TTBK2: variants seen among roughly 807,000 people sequenced by gnomAD.
TTBK2 encodes tau tubulin kinase 2.
Under a neutral mutation model 110.8 loss-of-function variants are expected in TTBK2, and 28 were observed. That is an observed-to-expected ratio of 0.25 (90% CI 0.19 to 0.35). TTBK2 has a LOEUF of 0.35. Among genes scored for constraint, TTBK2 ranks in the 10% least tolerant of loss-of-function variants. The probability of loss-of-function intolerance (pLI) is 1.00; values close to 1 mark genes in which losing one functional copy is unlikely to be tolerated. For missense variants in TTBK2, 1,369 were observed against 1,500.3 expected, an observed-to-expected ratio of 0.91 and a Z score of 1.45; for synonymous variants, 532 against 527.3, an observed-to-expected ratio of 1.01 and a Z score of -0.12.
intron 6 of TTBK2, among the ~76,000 whole-genome samples, chr15:42,826,902 C>T (rs1009030467): frequency 2.0e-5 from 3 of 152,108 alleles, no homozygotes; most frequent in Admixed American, 2.0e-4. Flanking sequence ...TAGAGAATAG[C>T]TGGGCAGGAG....
At position 42,741,052 on chromosome 15, in the gene TTBK2, C is replaced by G. The variant is rs550484199; in HGVS notation, c.*4743G>C. 1 of 152,270 alleles carries G rather than the reference C, an allele frequency of 6.6e-6. No individual in the cohort carries two copies. Among genetic ancestry groups the G allele is most frequent in the East Asian group, 1.9e-4 (1 of 5,184 alleles). 9.4% of individuals were successfully genotyped at this position (152,270 alleles called of 1,614,324 possible). ...ACTATAGGAATTCTCCATGTACCTC[C>G]TACAGTTTTTCTAGCAGTGTTGGAC... On this transcript the variant is annotated 3_prime_UTR_variant, in exon 15 of 15. Coordinates refer to ENST00000267890, the MANE Select transcript of TTBK2 (RefSeq NM_173500.4).
At chr15:42,791,721 C>T (rs1376450844) in intron 10 of TTBK2, among the ~76,000 whole-genome samples, 1 of 152,232 alleles carries the variant, frequency 6.6e-6, no homozygotes. Context: ...TAATCTCACT[C>T]AGTCCTAGGC....
In TTBK2 at chr15:42,845,347, C is replaced by T. The variant is rs527933387; in HGVS notation, c.218-4914G>A. ...AAGACCTTCCTTGGATACCAAAATCCACCAATGCTCAAGTCTCTGATAAAA... is the reference window on the plus strand; with the variant it reads ...AAGACCTTCCTTGGATACCAAAATCTACCAATGCTCAAGTCTCTGATAAAA... On this transcript the variant is annotated intron_variant, in intron 3 of 14. Coordinates refer to ENST00000267890, the MANE Select transcript of TTBK2 (RefSeq NM_173500.4). Among the ~76,000 whole-genome samples, 334 of 152,050 alleles carry T rather than the reference C, an allele frequency of 2.2e-3. 1 individual carries two copies. The highest frequency in any genetic ancestry group is 7.5e-3 in the African/African-American group (312 of 41,464).
intron 3 of TTBK2, among the ~76,000 whole-genome samples, chr15:42,849,152 GT>G (rs926917589): frequency 3.1e-4 from 45 of 143,662 alleles, no homozygotes; most frequent in East Asian, 8.1e-4. Context: ...CTGAGGCTCT[GT>G]TTTTTTTTTT....
chr15:42,773,367 G>A (rs996866726), intron 13 of TTBK2, among the ~76,000 whole-genome samples: 2 of 151,616 alleles, frequency 1.3e-5, no homozygotes, highest in East Asian at 1.9e-4. Context: ...AACCCAGAAG[G>A]CGGAGGTTGC....
intron 12 of TTBK2, 92 bp from the exon 13 acceptor site, chr15:42,775,815 A>T (rs1889896207): frequency 2.0e-6 from 2 of 991,534 alleles, no homozygotes; most frequent in Non-Finnish European, 2.9e-6. Flanking sequence ...ATGGACACAA[A>T]GATGAGAGAA....
intron 14 of TTBK2, among the ~76,000 whole-genome samples, chr15:42,751,734 ACT>A (rs1466224244): frequency 1.3e-5 from 2 of 152,194 alleles, no homozygotes; most frequent in African/African-American, 2.4e-5. Context: ...ACAGAGCGAG[ACT>A]CTGTCTCAAA....
At chr15:42,854,323 A>C (rs1893844428) in intron 3 of TTBK2, among the ~76,000 whole-genome samples, 1 of 152,248 alleles carries the variant, frequency 6.6e-6, no homozygotes, top group African/African-American at 2.4e-5. Flanking sequence ...ATGATGTATA[A>C]ACTTTTAAAG....
chr15:42,815,505 T>C (rs1379758146), intron 7 of TTBK2, among the ~76,000 whole-genome samples: 3 of 152,086 alleles, frequency 2.0e-5, no homozygotes, highest in South Asian at 2.1e-4. Context: ...GCAAAAAAGT[T>C]AAAGGACTGA....
intron 13 of TTBK2, among the ~76,000 whole-genome samples, chr15:42,768,793 G>A (rs1403685558): frequency 6.6e-6 from 1 of 152,116 alleles, no homozygotes; most frequent in East Asian, 1.9e-4. Context: ...AAAAGAGCCC[G>A]CATCGCCAAG....
At chr15:42,768,091 T>C (rs1311957576) in intron 13 of TTBK2, among the ~76,000 whole-genome samples, 1 of 152,158 alleles carries the variant, frequency 6.6e-6, no homozygotes, top group Non-Finnish European at 1.5e-5. Flanking sequence ...CTCAATAAAC[T>C]AGGTATCGAT....
intron 3 of TTBK2, among the ~76,000 whole-genome samples, chr15:42,866,027 T>C (rs1894359225): frequency 6.6e-6 from 1 of 152,074 alleles, no homozygotes; most frequent in African/African-American, 2.4e-5. Context: ...AGTATGTAAA[T>C]ACAAATAAAG....
intron 9 of TTBK2, among the ~76,000 whole-genome samples, chr15:42,799,249 A>G (rs1325967714): frequency 6.6e-6 from 1 of 151,938 alleles, no homozygotes; most frequent in Non-Finnish European, 1.5e-5. Context: ...GGGCACCTGT[A>G]GTCCCAGCTA....
intron 7 of TTBK2, among the ~76,000 whole-genome samples, chr15:42,816,573 T>TGAATTAG (rs964099855): frequency 6.6e-6 from 1 of 152,104 alleles, no homozygotes; most frequent in African/African-American, 2.4e-5. Flanking sequence ...CACACAAGAA[T>TGAATTAG]GAATTAGGAC....
chr15:42,780,154 T>C (rs980952812), intron 11 of TTBK2, among the ~76,000 whole-genome samples: 1 of 148,606 alleles, frequency 6.7e-6, no homozygotes, highest in African/African-American at 2.5e-5. Flanking sequence ...CCCAAGTACC[T>C]GGGACTACAG....
chr15:42,906,567 C>G (rs1332167325), intron 1 of TTBK2, among the ~76,000 whole-genome samples: 1 of 152,086 alleles, frequency 6.6e-6, no homozygotes, highest in East Asian at 1.9e-4. Context: ...ACCTGAAACT[C>G]TGAAACTACT....
chr15:42,822,692 T>C (rs576233626), intron 6 of TTBK2, among the ~76,000 whole-genome samples: 7 of 152,252 alleles, frequency 4.6e-5, no homozygotes, highest in African/African-American at 7.2e-5. Context: ...CAGTAGGTAA[T>C]TGGAATTCAT....
chr15:42,878,087 GCCTCAA>G (rs1894885375), intron 2 of TTBK2, among the ~76,000 whole-genome samples: 1 of 146,358 alleles, frequency 6.8e-6, no homozygotes, highest in African/African-American at 2.5e-5. Context: ...CCATTCTCCT[GCCTCAA>G]CCTCCTGAGT....
intron 2 of TTBK2, among the ~76,000 whole-genome samples, chr15:42,878,055 CT>C (rs200460879): frequency 1.4e-5 from 2 of 148,026 alleles, no homozygotes; most frequent in Admixed American, 6.7e-5. Flanking sequence ...ATTGTACTTC[CT>C]TTTTTTTTCC....
Sources: allele counts gnomAD v4.1 joint callset (sites outside exome capture counted in the v4.1 genomes callset), GRCh38; gene constraint gnomAD v4.1.1; transcripts MANE v1.5; gene names NCBI Gene and HGNC (gene_info 2026-07-23, HGNC 2026-07-21).